The following DLGAP2 variants were observed in gnomAD, a reference collection of about 807,000 sequenced individuals.
The protein encoded by DLGAP2 is DLG associated protein 2.
Under a neutral mutation model 100.3 loss-of-function variants are expected in DLGAP2, and 26 were observed. The ratio of observed to expected loss-of-function variants is 0.26; its 90% CI spans 0.19 to 0.36. The LOEUF is 0.36. Among genes scored for constraint, DLGAP2 ranks in the 10% least tolerant of loss-of-function variants. The pLI is 1.00. For missense variants in DLGAP2, 1,858 were observed against 1,453.2 expected (o/e 1.28, Z -4.53); for synonymous variants, 886 against 630.1 (o/e 1.41, Z -6.08).
intron 4 of DLGAP2, among the ~76,000 whole-genome samples, chr8:1,513,144 A>T (rs1325040793): frequency 7.4e-6 from 1 of 134,798 alleles, no homozygotes; most frequent in African/African-American, 2.8e-5. Flanking sequence ...CGGTGGGATA[A>T]GCGTCTGCCT....
chr8:1,030,128 G>T (rs1375148903), intron 2 of DLGAP2, among the ~76,000 whole-genome samples: 1 of 152,168 alleles, frequency 6.6e-6, no homozygotes, highest in Non-Finnish European at 1.5e-5. Context: ...GGAAATAATG[G>T]TTAAGGCCCT....
At chr8:1,346,477 C>A (rs111738033) in intron 3 of DLGAP2, among the ~76,000 whole-genome samples, 120 of 150,850 alleles carry the variant, frequency 8.0e-4, no homozygotes, top group African/African-American at 2.9e-3. Flanking sequence ...AGGTTGTGTT[C>A]CCATACACAT....
chr8:1,056,954 C>T lies in DLGAP2; in HGVS notation c.73+148988C>T, dbSNP rs569474050. 3.9e-5 allele frequency among the ~76,000 whole-genome samples: 6 copies of T among 152,284 alleles called. No individual in the cohort carries two copies. In the South Asian group the frequency reaches 1.0e-3, roughly 26 times the overall value. On this transcript the variant is annotated intron_variant, in intron 2 of 14. Transcript: ENST00000637795. Reference sequence around the variant, plus strand: ...AAATAGGGAGGTGAGAATTTCCTAACGATAAATCACCTCGAAGAGACAGAG... The same window carrying T: ...AAATAGGGAGGTGAGAATTTCCTAATGATAAATCACCTCGAAGAGACAGAG...
At chr8:1,682,757 A>C (rs1798988108) in intron 12 of DLGAP2, among the ~76,000 whole-genome samples, 1 of 151,478 alleles carries the variant, frequency 6.6e-6, no homozygotes, top group Non-Finnish European at 1.5e-5. Flanking sequence ...TACAGGTATG[A>C]ACCACCATGC....
intron 2 of DLGAP2, among the ~76,000 whole-genome samples, chr8:1,185,042 G>A (rs1797470051): frequency 6.6e-6 from 1 of 152,114 alleles, no homozygotes; most frequent in African/African-American, 2.4e-5. Flanking sequence ...GGATGGTGAA[G>A]TGACTCGTTT....
intron 1 of DLGAP2, among the ~76,000 whole-genome samples, chr8:906,908 G>C (rs1211048528): frequency 2.6e-5 from 4 of 152,142 alleles, no homozygotes; most frequent in Admixed American, 6.6e-5. Context: ...GTTTTCAATT[G>C]ATTATATTTG....
intron 2 of DLGAP2, among the ~76,000 whole-genome samples, chr8:1,042,700 T>G (rs1469465829): frequency 6.6e-6 from 1 of 151,296 alleles, no homozygotes; most frequent in Non-Finnish European, 1.5e-5. Flanking sequence ...GGGTGTTGGA[T>G]GTCGGTGGTG....
intron 1 of DLGAP2, among the ~76,000 whole-genome samples, chr8:862,580 G>A (rs1012201536): frequency 4.6e-5 from 7 of 152,114 alleles, no homozygotes; most frequent in African/African-American, 1.7e-4. Flanking sequence ...GGGGTGAGCT[G>A]CCTCGCCTGG....
chr8:1,560,144 C>T (rs749504641), intron 5 of DLGAP2, among the ~76,000 whole-genome samples: 3 of 152,178 alleles, frequency 2.0e-5, no homozygotes, highest in Non-Finnish European at 2.9e-5. Context: ...AAAGAAAAGT[C>T]ATTGAAAACC....
At chr8:1,184,663 G>T (rs1254604079) in intron 2 of DLGAP2, among the ~76,000 whole-genome samples, 3 of 152,158 alleles carry the variant, frequency 2.0e-5, no homozygotes, top group Admixed American at 6.5e-5. Context: ...CAGCACCCTC[G>T]GAGTTTGCGG....
At chr8:1,140,104 A>G (rs996427446) in intron 2 of DLGAP2, among the ~76,000 whole-genome samples, 3 of 152,196 alleles carry the variant, frequency 2.0e-5, no homozygotes, top group African/African-American at 7.2e-5. Context: ...AAGAAGAATC[A>G]TCTCCCATTT....
At chr8:1,196,792 G>C (rs1486132415) in intron 2 of DLGAP2, among the ~76,000 whole-genome samples, 1 of 152,192 alleles carries the variant, frequency 6.6e-6, no homozygotes, top group Non-Finnish European at 1.5e-5. Context: ...AGCTGCAGCA[G>C]TGATGAGCCA....
Position 1,548,864 on chromosome 8 carries a change from G to T in DLGAP2, c.411G>T (p.Pro137=), listed in dbSNP as rs1371030171. ...SCPGGRHRCS[P]RSSVHSECVM... ...CCGGGGGGCGCCACCGCTGCTCGCCGCGCAGCTCGGTGCACTCGGAGTGCG... is the reference window on the plus strand; with the variant it reads ...CCGGGGGGCGCCACCGCTGCTCGCCTCGCAGCTCGGTGCACTCGGAGTGCG... Residue 137 remains proline, a synonymous_variant, in exon 5 of 15, where the codon CCG becomes CCT. Transcript: ENST00000637795. 3 of 1,588,346 alleles carry T rather than the reference G, an allele frequency of 1.9e-6. No homozygotes were observed. Among genetic ancestry groups the T allele is most frequent in the Non-Finnish European group, 2.6e-6 (3 of 1,172,616 alleles).
At chr8:1,504,623 G>A (rs1019314279) in intron 4 of DLGAP2, among the ~76,000 whole-genome samples, 2 of 152,302 alleles carry the variant, frequency 1.3e-5, no homozygotes, top group Non-Finnish European at 2.9e-5. Context: ...GATTCCACGT[G>A]TAAGTGAGGT....
chr8:1,591,072 C>G (rs987134876), intron 6 of DLGAP2, among the ~76,000 whole-genome samples: 2 of 152,182 alleles, frequency 1.3e-5, no homozygotes, highest in African/African-American at 2.4e-5. Flanking sequence ...GGGACCCAAC[C>G]CCATGCCGGC....
At chr8:1,486,274 A>T in intron 3 of DLGAP2, among the ~76,000 whole-genome samples, 1 of 152,222 alleles carries the variant, frequency 6.6e-6, no homozygotes, top group East Asian at 1.9e-4. Context: ...ATTACGGCAG[A>T]TGGAAAGCTG....
chr8:1,304,710 G>C (rs1289170382), intron 3 of DLGAP2, among the ~76,000 whole-genome samples: 1 of 152,162 alleles, frequency 6.6e-6, no homozygotes, highest in East Asian at 1.9e-4. Context: ...GAAGATGATC[G>C]ACAAAAGCAA....
Position 1,641,944 on chromosome 8 carries a change from C to T in DLGAP2, c.1810+8898C>T, listed in dbSNP as rs1370105008. ...TCACCTGTGTCACCCTCGACCCCGC[C>T]GGTCCTCACCTGTGTCACCCTCGAC... is the stretch of plus-strand genomic sequence containing the variant. On this transcript the variant is annotated intron_variant, in intron 8 of 14. Transcript: ENST00000637795. 1.1e-4 allele frequency among the ~76,000 whole-genome samples: 14 copies of T among 123,118 alleles called. No individual in the cohort carries two copies. The East Asian group carries it at 1.5e-3, about 13-fold the overall frequency. 80.8% of individuals were successfully genotyped at this position (123,118 alleles called of 152,430 possible). A position where few individuals can be genotyped will look rare whatever the true frequency, so the allele number is the denominator to read the frequency against.
intron 2 of DLGAP2, among the ~76,000 whole-genome samples, chr8:1,077,382 G>T (rs764669506): frequency 2.6e-5 from 4 of 152,200 alleles, no homozygotes; most frequent in Admixed American, 1.3e-4. Context: ...TCACACGGCA[G>T]TCCCATCATA....
Sources: allele counts gnomAD v4.1 joint callset (sites outside exome capture counted in the v4.1 genomes callset), GRCh38; gene constraint gnomAD v4.1.1; transcripts MANE v1.5; gene names NCBI Gene and HGNC (gene_info 2026-07-23, HGNC 2026-07-21).